HTT: variants seen among roughly 807,000 people sequenced by gnomAD.
The protein encoded by HTT is huntingtin, also known as huntington disease protein.
HTT carries 104 observed loss-of-function variants against 362.3 expected under a neutral mutation model. The observed-to-expected ratio is 0.29, with a 90% CI of 0.24 to 0.34. HTT has a LOEUF of 0.34. Ranked by LOEUF, HTT falls within the 10% of genes least tolerant of loss-of-function variation. HTT has a pLI of 1.00. For missense variants in HTT, 3,301 were observed against 3,928.6 expected, an observed-to-expected ratio of 0.84 and a Z score of 4.27; for synonymous variants, 1,577 against 1,548.7, an observed-to-expected ratio of 1.02 and a Z score of -0.43.
At chr4:3,099,538 CTGT>C in intron 3 of HTT, 144 bp downstream of exon 3, 1 of 1,137,614 alleles carries the variant, frequency 8.8e-7, no homozygotes, top group Non-Finnish European at 1.2e-6. Flanking sequence ...TGGAGGTGCT[CTGT>C]TGTATGGTTT....
At chr4:3,128,478 G>C (rs780458132) in intron 12 of HTT, 9 of 152,204 alleles carry the variant, frequency 5.9e-5, no homozygotes, top group Non-Finnish European at 1.0e-4. Context: ...CATTTTTTAA[G>C]GCCTTGTTGG....
At chr4:3,239,386 T>A (rs1203435618) in intron 66 of HTT, among the ~76,000 whole-genome samples, 1 of 151,506 alleles carries the variant, frequency 6.6e-6, no homozygotes, top group Non-Finnish European at 1.5e-5. Flanking sequence ...TAAGTAAAGA[T>A]CCAGTTCCCA....
rs556061424 is a variant in HTT, at chr4:3,131,293, G to C, written c.1994G>C (p.Arg665Pro). 2.5e-6 allele frequency: 4 copies of C among 1,611,246 alleles called. No homozygotes were observed. The East Asian group carries it at 8.9e-5, about 36-fold the overall frequency. ...EPGDQENKPC[R>P]IKGDIGQSTD... The stretch of plus-strand genomic sequence containing the variant: ...TCATTGTCTCCTTTCTAGCCTTGCC[G>C]CATCAAAGGTGACATTGGACAGTCC... Residue 665 changes from arginine to proline, a missense_variant, in exon 15 of 67, where the codon CGC becomes CCC. This residue lies in a region of HTT where 2,316 missense variants were observed against 2,658.5 expected (regional missense o/e 0.87). Transcript: ENST00000355072.
chr4:3,222,172 G>A (rs555391162), intron 53 of HTT, among the ~76,000 whole-genome samples: 2 of 152,242 alleles, frequency 1.3e-5, no homozygotes, highest in Non-Finnish European at 2.9e-5. Context: ...CATGTGTCTC[G>A]GACAGTGCAG....
chr4:3,232,608 C>A (rs900592795), intron 60 of HTT, among the ~76,000 whole-genome samples: 1 of 152,222 alleles, frequency 6.6e-6, no homozygotes, highest in Non-Finnish European at 1.5e-5. Context: ...AGACTCTCAG[C>A]TAAGATGTGT....
intron 21 of HTT, among the ~76,000 whole-genome samples, chr4:3,136,859 T>C (rs1044466595): frequency 6.6e-6 from 1 of 152,136 alleles, no homozygotes; most frequent in African/African-American, 2.4e-5. Context: ...TAAATGTTTG[T>C]GTATAGTTTT....
At chr4:3,148,850 G>C (rs1476302365) in intron 26 of HTT, among the ~76,000 whole-genome samples, 2 of 152,096 alleles carry the variant, frequency 1.3e-5, no homozygotes, top group Non-Finnish European at 2.9e-5. Flanking sequence ...CCAGCTACTT[G>C]GGAGGCTGAG....
rs1054903029 is a variant in HTT, at chr4:3,225,814, A to G, written c.7848+71A>G. On this transcript the variant is annotated intron_variant, in intron 57 of 66. Coordinates refer to ENST00000355072, the MANE Select transcript of HTT (RefSeq NM_001388492.1). ...TCAGACTTTGGCGCTTGACACACCCAGGAGAAAAGCTCAGTGCACTTTTTA... is the reference window on the plus strand; with the variant it reads ...TCAGACTTTGGCGCTTGACACACCCGGGAGAAAAGCTCAGTGCACTTTTTA... 1.6e-5 allele frequency: 18 copies of G among 1,103,600 alleles called. No homozygotes were observed. In the Admixed American group the frequency reaches 3.4e-4, roughly 21 times the overall value. 68.4% of individuals were successfully genotyped at this position (1,103,600 alleles called of 1,614,324 possible). A position where few individuals can be genotyped will look rare whatever the true frequency, so the allele number is the denominator to read the frequency against.
chr4:3,121,397 G>A lies in HTT; in HGVS notation c.1238G>A (p.Gly413Asp). The stretch of plus-strand genomic sequence containing the variant: ...ACCGCTGCTAAGGAGGAGTCTGGTG[G>A]CCGAAGCCGTAGTGGGAGTATTGTG... Reference protein sequence around the residue: ...QLTAAKEESGGRSRSGSIVEL... With the variant: ...QLTAAKEESGDRSRSGSIVEL... Residue 413 changes from glycine (G) to aspartate (D), a missense_variant, in exon 9 of 67, where the codon GGC becomes GAC. Coordinates refer to ENST00000355072, the MANE Select transcript of HTT (RefSeq NM_001388492.1). The A allele has an allele frequency of 6.2e-7, 1 of 1,614,140 alleles. No homozygotes were observed.
intron 25 of HTT, 108 bp from the exon 26 acceptor site, chr4:3,147,897 T>C (rs1716685271): frequency 3.8e-6 from 3 of 796,770 alleles, no homozygotes; most frequent in Admixed American, 5.5e-5. Flanking sequence ...CAGGCACAGA[T>C]GTCTGGCCAA....
intron 1 of HTT, among the ~76,000 whole-genome samples, chr4:3,084,027 G>GT (rs992886548): frequency 6.6e-6 from 1 of 152,180 alleles, no homozygotes; most frequent in African/African-American, 2.4e-5. Flanking sequence ...ATGATTCTAT[G>GT]TTTTTTTGCA....
chr4:3,185,881 G>T (rs1560584559), intron 37 of HTT, among the ~76,000 whole-genome samples: 1 of 151,954 alleles, frequency 6.6e-6, no homozygotes, highest in South Asian at 2.1e-4. Flanking sequence ...GTGAGACTCT[G>T]TTAGAAAGAG....
intron 1 of HTT, among the ~76,000 whole-genome samples, chr4:3,080,487 T>A (rs1712835803): frequency 1.3e-5 from 2 of 152,350 alleles, no homozygotes; most frequent in Non-Finnish European, 2.9e-5. Flanking sequence ...TAGTTCTTTA[T>A]ATATTCTGGA....
chr4:3,225,027 C>T (rs1242675098), intron 56 of HTT, among the ~76,000 whole-genome samples: 3 of 151,964 alleles, frequency 2.0e-5, no homozygotes, highest in Non-Finnish European at 4.4e-5. Context: ...GCGTGGAGGC[C>T]CCTTTGGAGG....
chr4:3,142,893 C>G lies in HTT; in HGVS notation c.3066+7C>G. 2 of 1,611,402 alleles carry G rather than the reference C, an allele frequency of 1.2e-6. No homozygotes were observed. Among genetic ancestry groups the G allele is most frequent in the Non-Finnish European group, 1.7e-6 (2 of 1,178,036 alleles). ...AACCACCAGAGCACTCACAGTAAGTCTCTTTCTTGATCGGTCTTACTGACA... is the reference window on the plus strand; with the variant it reads ...AACCACCAGAGCACTCACAGTAAGTGTCTTTCTTGATCGGTCTTACTGACA... On this transcript the variant is annotated splice_region_variant and intron_variant, in intron 23 of 66. Transcript: ENST00000355072.
In HTT at chr4:3,219,688, A is replaced by C. The variant is rs183019454; in HGVS notation, c.7243-494A>C. ...GAGCTGATCCTGCCACTTGAACAGC[A>C]TCAAGCCTGCCTCTGGATTCTTCTG... On this transcript the variant is annotated intron_variant, in intron 52 of 66. Transcript: ENST00000355072. Among the ~76,000 whole-genome samples the C allele has an allele frequency of 1.5e-4, 23 of 152,346 alleles. 1 individual carries two copies. In the East Asian group the frequency reaches 4.4e-3, roughly 29 times the overall value.
At chr4:3,176,031 T>G (rs547604270) in intron 33 of HTT, among the ~76,000 whole-genome samples, 4 of 147,432 alleles carry the variant, frequency 2.7e-5, no homozygotes, top group Non-Finnish European at 5.9e-5. Context: ...GTTTGTTTTT[T>G]TTTGTTTTTT....
At chr4:3,137,122 G>A (rs766022456) in intron 21 of HTT, among the ~76,000 whole-genome samples, 2 of 151,780 alleles carry the variant, frequency 1.3e-5, no homozygotes, top group Non-Finnish European at 2.9e-5. Flanking sequence ...TGGCCAGGCT[G>A]GTCTCGAACT....
intron 2 of HTT, among the ~76,000 whole-genome samples, chr4:3,096,164 G>A (rs1176330579): frequency 2.6e-5 from 4 of 152,210 alleles, no homozygotes; most frequent in Non-Finnish European, 5.9e-5. Flanking sequence ...AAGGGGATTC[G>A]TTCATCAGCC....
Sources: gnomAD v4.1 joint callset for allele counts (sites outside exome capture counted in the v4.1 genomes callset) on GRCh38, gnomAD v4.1.1 for gene constraint, gnomAD v4.1.1 regional missense constraint, MANE v1.5 for transcripts, NCBI Gene and HGNC (gene_info 2026-07-23, HGNC 2026-07-21) for gene names.